ANKRD30A: variants seen among roughly 807,000 people sequenced by gnomAD.
ANKRD30A encodes the protein ankyrin repeat domain 30A.
Under a neutral mutation model 166.3 loss-of-function variants are expected in ANKRD30A, and 170 were observed. The ratio of observed to expected loss-of-function variants is 1.02; its 90% CI spans 0.90 to 1.16. The LOEUF is 1.16. ANKRD30A is among the 50% of genes most tolerant of loss of function. The pLI, the probability that ANKRD30A is intolerant of heterozygous loss-of-function variation, is 0.00. For missense variants in ANKRD30A, 1,630 were observed against 1,518.0 expected, an observed-to-expected ratio of 1.07 and a Z score of -1.23; for synonymous variants, 564 against 508.9, an observed-to-expected ratio of 1.11 and a Z score of -1.46.
chr10:37,145,443 C>T (rs1837431101), intron 8 of ANKRD30A, among the ~76,000 whole-genome samples: 1 of 152,036 alleles, frequency 6.6e-6, no homozygotes, highest in Non-Finnish European at 1.5e-5. Context: ...TGCCATTGCA[C>T]TCAGATCGGG....
At chr10:37,192,064 T>A (rs1209733653) in intron 25 of ANKRD30A, among the ~76,000 whole-genome samples, 1 of 151,854 alleles carries the variant, frequency 6.6e-6, no homozygotes, top group Non-Finnish European at 1.5e-5. Context: ...AGAGACAGAG[T>A]CTCGCTCTGT....
At chr10:37,158,869 G>A (rs1838601119) in intron 15 of ANKRD30A, among the ~76,000 whole-genome samples, 1 of 152,122 alleles carries the variant, frequency 6.6e-6, no homozygotes, top group African/African-American at 2.4e-5. Context: ...TTGGTTTTAA[G>A]GCAGGTGAAT....
At chr10:37,134,120 G>A in intron 5 of ANKRD30A, 67 bp downstream of exon 5, 7 of 1,569,598 alleles carry the variant, frequency 4.5e-6, no homozygotes, top group Non-Finnish European at 6.1e-6. Context: ...TTGAATTACA[G>A]TGAGTTCACT....
chr10:37,132,074 G>A (rs975980654), intron 3 of ANKRD30A, among the ~76,000 whole-genome samples, 166 bp from the exon 4 acceptor site: 5 of 152,142 alleles, frequency 3.3e-5, no homozygotes, highest in African/African-American at 4.8e-5. Context: ...TATTTACAGC[G>A]GAAGGTGCAG....
chr10:37,200,609 TA>T (rs1841543538), intron 30 of ANKRD30A, among the ~76,000 whole-genome samples: 1 of 152,126 alleles, frequency 6.6e-6, no homozygotes, highest in Non-Finnish European at 1.5e-5. Context: ...TATTTGCTTT[TA>T]TTTAGACATG....
At chr10:37,241,493 C>T in the ANKRD30A span, among the ~76,000 whole-genome samples, 2 of 151,790 alleles carry the variant, frequency 1.3e-5, no homozygotes, top group Non-Finnish European at 2.9e-5. Flanking sequence ...TTTAGTGGAT[C>T]TTACAAATAA....
At position 37,158,591 on chromosome 10, in the gene ANKRD30A, A is replaced by G. The variant is rs762480016; in HGVS notation, c.1900+5A>G. The G allele has an allele frequency of 3.1e-6, 5 of 1,611,912 alleles. No homozygotes were observed. In the African/African-American group the frequency reaches 5.3e-5, roughly 17 times the overall value. ...ACATGCAAACTTTCAAAGCAGGTAA[A>G]TTTTGTAATTTTAATTTTACTCTGG... is the stretch of plus-strand genomic sequence containing the variant. On this transcript the variant is annotated splice_donor_5th_base_variant and intron_variant, in intron 15 of 35. Coordinates refer to ENST00000361713, the MANE Select transcript of ANKRD30A (RefSeq NM_052997.3).
chr10:37,212,124 C>A (rs984487475), intron 31 of ANKRD30A, among the ~76,000 whole-genome samples: 1 of 151,970 alleles, frequency 6.6e-6, no homozygotes, highest in Non-Finnish European at 1.5e-5. Context: ...AAAACCCCAT[C>A]GTCTCAGCCC....
Position 37,219,282 on chromosome 10 carries a change from A to T in ANKRD30A, c.3570A>T (p.Ile1190=). Residue 1190 remains isoleucine (I), a synonymous_variant, in exon 34 of 36, where the codon ATA becomes ATT. Coordinates refer to ENST00000361713, the MANE Select transcript of ANKRD30A (RefSeq NM_052997.3). ...SKLKEKQDKE[I]LEAEIESHHP... ...TGAAGGAAAAACAAGACAAAGAAAT[A>T]CTAGAGGCAGAAATTGAATCACACC... 1 of 1,610,448 alleles carries T rather than the reference A, an allele frequency of 6.2e-7. No homozygotes were observed.
downstream of ANKRD30A, among the ~76,000 whole-genome samples, chr10:37,235,959 G>A (rs1461881133): frequency 2.0e-5 from 3 of 151,734 alleles, no homozygotes; most frequent in Admixed American, 6.6e-5. Context: ...TAGTAGAGAC[G>A]GGGTTTCACT....
At chr10:37,214,718 C>T (rs2132729149) in intron 31 of ANKRD30A, among the ~76,000 whole-genome samples, 1 of 151,310 alleles carries the variant, frequency 6.6e-6, no homozygotes, top group East Asian at 1.9e-4. Flanking sequence ...TACCTCATCA[C>T]AACCCATCTT....
chr10:37,127,639 A>C (rs1836132915), intron 1 of ANKRD30A, among the ~76,000 whole-genome samples: 1 of 152,188 alleles, frequency 6.6e-6, no homozygotes, highest in African/African-American at 2.4e-5. Flanking sequence ...AGATCTAAAA[A>C]TTGGGCAAAG....
chr10:37,242,341 G>A, the ANKRD30A span, among the ~76,000 whole-genome samples: 1 of 152,218 alleles, frequency 6.6e-6, no homozygotes, highest in Middle Eastern at 3.4e-3. Flanking sequence ...TTTTGATTTG[G>A]TCTGTTACTG....
intron 32 of ANKRD30A, 96 bp downstream of exon 32, chr10:37,216,490 A>G (rs1171406478): frequency 2.5e-6 from 3 of 1,198,002 alleles, no homozygotes; most frequent in East Asian, 2.5e-5. Context: ...CTGAGGTTTT[A>G]CTGGAGAAAA....
At chr10:37,224,123 T>C (rs143743666) in intron 34 of ANKRD30A, among the ~76,000 whole-genome samples, 1 of 151,514 alleles carries the variant, frequency 6.6e-6, no homozygotes, top group East Asian at 1.9e-4. Flanking sequence ...ACTTATTCTT[T>C]AATGATTTTG....
chr10:37,217,530 A>G (rs966408626), intron 32 of ANKRD30A, among the ~76,000 whole-genome samples, 165 bp from the exon 33 acceptor site: 1 of 150,892 alleles, frequency 6.6e-6, no homozygotes, highest in Non-Finnish European at 1.5e-5. Context: ...TATGTATGTC[A>G]TTTGGAAGAG....
At position 37,159,407 on chromosome 10, in the gene ANKRD30A, A is replaced by G. The variant is rs534406896; in HGVS notation, c.1900+821A>G. On this transcript the variant is annotated intron_variant, in intron 15 of 35. Transcript: ENST00000361713. ...ATGGTGGGTGCCTGTCATCTCAGCT[A>G]CTCTGGAGGCTGAGGTGGGAGAATC... Among the ~76,000 whole-genome samples, 290 of 152,046 alleles carry G rather than the reference A, an allele frequency of 1.9e-3. 1 individual carries two copies. Among genetic ancestry groups the G allele is most frequent in the Non-Finnish European group, 3.0e-3 (205 of 67,962 alleles).
At position 37,125,820 on chromosome 10, in the gene ANKRD30A, C is replaced by G; in HGVS notation, c.33C>G (p.Val11=). 1 of 833,692 alleles carries G rather than the reference C, an allele frequency of 1.2e-6. No individual in the cohort carries two copies. Among genetic ancestry groups the G allele is most frequent in the Non-Finnish European group, 1.9e-6 (1 of 519,116 alleles). 51.6% of individuals were successfully genotyped at this position (833,692 alleles called of 1,614,324 possible). Residue 11 remains valine (V), a synonymous_variant, in exon 1 of 36, where the codon GTC becomes GTG. Transcript: ENST00000361713. MEEISAAAVK[V]VPGPERPSPF... ...AGATCTCTGCCGCCGCTGTCAAGGT[C>G]GTGCCGGGCCCGGAGCGCCCGAGCC...
downstream of ANKRD30A, among the ~76,000 whole-genome samples, chr10:37,237,202 A>G (rs992114953): frequency 2.2e-4 from 33 of 152,338 alleles, no homozygotes; most frequent in Middle Eastern, 3.4e-3. Context: ...CGGAAGACCT[A>G]AAGCCCATTT....
Sources: allele counts gnomAD v4.1 joint callset (sites outside exome capture counted in the v4.1 genomes callset), GRCh38; gene constraint gnomAD v4.1.1; transcripts MANE v1.5; gene names NCBI Gene and HGNC (gene_info 2026-07-23, HGNC 2026-07-21).